The following GDI2 variants were observed in gnomAD, a reference collection of about 807,000 sequenced individuals.
The protein encoded by GDI2 is rab GDP dissociation inhibitor beta.
In GDI2, 22 loss-of-function variants were observed where a neutral mutation model predicts 54.2. The observed-to-expected ratio is 0.41, with a 90% CI of 0.29 to 0.58. The LOEUF (loss-of-function observed/expected upper bound fraction) is 0.58. Ranked by LOEUF, GDI2 falls within the 20% of genes least tolerant of loss-of-function variation. GDI2 has a pLI of 0.35. For synonymous variants in GDI2, 177 were observed against 182.1 expected, an observed-to-expected ratio of 0.97 and a Z score of 0.23; for missense variants, 422 against 546.0, an observed-to-expected ratio of 0.77 and a Z score of 2.26.
intron 4 of GDI2, among the ~76,000 whole-genome samples, chr10:5,790,174 C>A (rs574421601): frequency 5.9e-5 from 9 of 152,320 alleles, no homozygotes; most frequent in East Asian, 1.9e-4. Flanking sequence ...TTCAGGTCTG[C>A]GGCTGCAGTT....
At chr10:5,773,034 A>G (rs760739339) in intron 7 of GDI2, among the ~76,000 whole-genome samples, 5 of 152,144 alleles carry the variant, frequency 3.3e-5, no homozygotes, top group South Asian at 2.1e-4. Context: ...ACAAATTATT[A>G]TCAGGCGTTT....
rs1840293951 is a variant in GDI2, at chr10:5,765,410, A to G, written c.*596T>C. On this transcript the variant is annotated 3_prime_UTR_variant, in exon 11 of 11. Transcript: ENST00000380191. ...TTCGCTTCCTCTCCCCTTCTCTCTC[A>G]TCAACTTTATTAGGTTAAAACACCA... is the stretch of plus-strand genomic sequence containing the variant. The G allele has an allele frequency of 6.5e-6, 1 of 152,686 alleles. No individual in the cohort carries two copies. The highest frequency in any genetic ancestry group is 1.5e-5 in the Non-Finnish European group (1 of 68,090). The allele number at this position is 152,686 out of a possible 1,614,324, so 9.5% of individuals were successfully genotyped here.
At chr10:5,786,100 G>A in intron 4 of GDI2, 50 bp from the exon 5 acceptor site, 1 of 1,227,374 alleles carries the variant, frequency 8.1e-7, no homozygotes. Context: ...CAGACATTGA[G>A]GAGAACGAAG....
chr10:5,805,930 C>T (rs1407176827), intron 1 of GDI2, among the ~76,000 whole-genome samples: 3 of 152,190 alleles, frequency 2.0e-5, no homozygotes, highest in Non-Finnish European at 4.4e-5. Flanking sequence ...CACTGAATGA[C>T]TATACCACAA....
intron 1 of GDI2, among the ~76,000 whole-genome samples, chr10:5,801,337 T>C (rs1333661325): frequency 6.6e-6 from 1 of 152,212 alleles, no homozygotes; most frequent in Non-Finnish European, 1.5e-5. Context: ...CTCTAAACTA[T>C]ACTAGTCATC....
intron 7 of GDI2, among the ~76,000 whole-genome samples, chr10:5,769,546 G>A (rs1840437809): frequency 6.6e-6 from 1 of 151,470 alleles, no homozygotes; most frequent in Non-Finnish European, 1.5e-5. Flanking sequence ...ACTCCAGGCT[G>A]GGCAATGAGC....
At chr10:5,789,978 T>G (rs192116327) in intron 4 of GDI2, among the ~76,000 whole-genome samples, 1 of 152,336 alleles carries the variant, frequency 6.6e-6, no homozygotes, top group East Asian at 1.9e-4. Flanking sequence ...CAGTAAATTA[T>G]CTGTCACAGT....
intron 5 of GDI2, 119 bp from the exon 6 acceptor site, chr10:5,785,392 TG>T: frequency 1.3e-6 from 1 of 754,324 alleles, no homozygotes; most frequent in South Asian, 1.9e-5. Flanking sequence ...TTTTGTTTTT[TG>T]AGACAGGGTC....
chr10:5,772,494 T>C (rs913681339), intron 7 of GDI2, among the ~76,000 whole-genome samples: 1 of 152,168 alleles, frequency 6.6e-6, no homozygotes, highest in Admixed American at 6.5e-5. Context: ...CAGTGGCTCA[T>C]GCCTGTAATC....
At chr10:5,782,637 TAAAAA>T (rs1002572285) in intron 6 of GDI2, among the ~76,000 whole-genome samples, 1 of 150,994 alleles carries the variant, frequency 6.6e-6, no homozygotes, top group African/African-American at 2.4e-5. Context: ...ACTCAACAAT[TAAAAA>T]AAAAGAATTG....
chr10:5,808,516 A>G (rs1691538130), intron 1 of GDI2, among the ~76,000 whole-genome samples: 2 of 151,986 alleles, frequency 1.3e-5, no homozygotes, highest in Admixed American at 1.3e-4. Context: ...GCTACTAAAC[A>G]TACAAAAAAA....
rs947269952 is a variant in GDI2 at position 5,766,850 on chromosome 10, A to C, written c.992-212T>G. 2.6e-5 allele frequency among the ~76,000 whole-genome samples: 4 copies of C among 152,228 alleles called. No homozygotes were observed. The highest frequency in any genetic ancestry group is 5.9e-5 in the Non-Finnish European group (4 of 68,038). ...TTCTTTTAACCTACTAGAGATTAAG[A>C]ATTGAAGTGGTAGCGAACTGCTGAA... On this transcript the variant is annotated intron_variant, in intron 8 of 10. Coordinates refer to ENST00000380191, the MANE Select transcript of GDI2 (RefSeq NM_001494.4). The surrounding 1 kb of genome is among the most constrained non-coding windows in gnomAD (Gnocchi z 5.8).
intron 6 of GDI2, among the ~76,000 whole-genome samples, chr10:5,782,185 A>G (rs1036516301): frequency 5.3e-5 from 8 of 152,254 alleles, no homozygotes; most frequent in African/African-American, 1.9e-4. Flanking sequence ...TTGAACAATC[A>G]CAGCACAAAA....
chr10:5,796,897 C>T (rs751844234), intron 2 of GDI2, 35 bp from the exon 3 acceptor site: 2 of 1,048,410 alleles, frequency 1.9e-6, no homozygotes, highest in East Asian at 2.4e-5. Flanking sequence ...ATAATGTTAA[C>T]AAAATTTAAT....
rs1340576567 is a variant in GDI2, at chr10:5,774,383, G to A, written c.720-442C>T. Reference sequence around the variant, plus strand: ...TCTCAGCACGGTAACATATTTTGGTGCCTGTGACTCGGCTACCTTCCACCA... The same window carrying A: ...TCTCAGCACGGTAACATATTTTGGTACCTGTGACTCGGCTACCTTCCACCA... On this transcript the variant is annotated intron_variant, in intron 6 of 10. Transcript: ENST00000380191. This position sits in a 1 kb window ranked among gnomAD's most constrained non-coding sequence, Gnocchi z 4.8. 6.6e-6 allele frequency among the ~76,000 whole-genome samples: 1 copy of A among 152,120 alleles called. No individual in the cohort carries two copies. The highest frequency in any genetic ancestry group is 1.5e-5 in the Non-Finnish European group (1 of 68,020).
At chr10:5,800,729 G>C in intron 1 of GDI2, 24 bp from the exon 2 acceptor site, 1 of 1,142,534 alleles carries the variant, frequency 8.8e-7, no homozygotes, top group Non-Finnish European at 1.3e-6. Flanking sequence ...ATAGTACCTT[G>C]AAAAGAAAGT....
rs140500432 is a variant in GDI2, at chr10:5,765,838, T to C, written c.*168A>G. ...CTGCCAATGCTGAATAGCCACTCCA[T>C]GAAAACAAGTTAATAATTAGAAAGG... On this transcript the variant is annotated 3_prime_UTR_variant, in exon 11 of 11. Transcript: ENST00000380191. 245 of 545,926 alleles carry C rather than the reference T, an allele frequency of 4.5e-4. No individual in the cohort carries two copies. The highest frequency in any genetic ancestry group is 4.4e-3 in the African/African-American group (220 of 50,152). The allele number at this position is 545,926 out of a possible 1,614,324, so 33.8% of individuals were successfully genotyped here. A position where few individuals can be genotyped will look rare whatever the true frequency, so the allele number is the denominator to read the frequency against.
chr10:5,802,642 G>C (rs1309359764), intron 1 of GDI2, among the ~76,000 whole-genome samples: 2 of 151,934 alleles, frequency 1.3e-5, no homozygotes, highest in Non-Finnish European at 2.9e-5. Flanking sequence ...TACCACCATG[G>C]GCACACGTCA....
At chr10:5,779,654 G>A (rs543800590) in intron 6 of GDI2, among the ~76,000 whole-genome samples, 12 of 150,032 alleles carry the variant, frequency 8.0e-5, no homozygotes, top group South Asian at 4.2e-4. Flanking sequence ...GGCATTCTCC[G>A]ATATGAAGCA....
Sources: allele counts gnomAD v4.1 joint callset (sites outside exome capture counted in the v4.1 genomes callset), GRCh38; gene constraint gnomAD v4.1.1; non-coding constraint Gnocchi (gnomAD v3.1); transcripts MANE v1.5; gene names NCBI Gene and HGNC (gene_info 2026-07-23, HGNC 2026-07-21).